TUNAR: variants seen among roughly 807,000 people sequenced by gnomAD.
TUNAR encodes the protein transmembrane neural differentiation associated intracellular calcium regulator, also known as protein TUNAR.
chr14:95,898,740 T>C (rs1207968112), intron 2 of TUNAR, among the ~76,000 whole-genome samples: 1 of 152,236 alleles, frequency 6.6e-6, no homozygotes, highest in Non-Finnish European at 1.5e-5. Flanking sequence ...GCTACTAGTA[T>C]ACTGAGTGCT....
rs751261623 is a variant in TUNAR, at chr14:95,913,097, C to CT, written c.13-9673dup. Among the ~76,000 whole-genome samples the CT allele has an allele frequency of 3.9e-3, 509 of 130,552 alleles. 3 individuals carry two copies. Among genetic ancestry groups the CT allele is most frequent in the Admixed American group, 5.1e-3 (69 of 13,512 alleles). The allele number at this position is 130,552 out of a possible 152,430, so 85.6% of individuals were successfully genotyped here. A position where few individuals can be genotyped will look rare whatever the true frequency, so the allele number is the denominator to read the frequency against. ...TGAGCCACCGCGCCTAGCCGGGCAT[C>CT]TTTTTTTTTTTACCTCATGGTCTTT... On this transcript the variant is annotated intron_variant, in intron 2 of 2. Coordinates refer to ENST00000678517, the Ensembl canonical transcript of TUNAR.
chr14:95,902,575 T>TC (rs1418690408), intron 2 of TUNAR, among the ~76,000 whole-genome samples: 8 of 152,142 alleles, frequency 5.3e-5, no homozygotes, highest in Admixed American at 5.2e-4. Context: ...TGCTAGGAAA[T>TC]CGCACTTACG....
chr14:95,881,117 C>A (rs193302145), intron 2 of TUNAR, among the ~76,000 whole-genome samples: 375 of 152,314 alleles, frequency 2.5e-3, no homozygotes, highest in Middle Eastern at 0.01. Context: ...TTCTAGATAA[C>A]CATGGCACTA....
At chr14:95,905,544 C>T (rs903870171) in intron 2 of TUNAR, among the ~76,000 whole-genome samples, 12 of 152,214 alleles carry the variant, frequency 7.9e-5, no homozygotes, top group Non-Finnish European at 1.0e-4. Flanking sequence ...CTTGGTGCCC[C>T]CTATCGGGAT....
intron 2 of TUNAR, among the ~76,000 whole-genome samples, chr14:95,888,431 C>G (rs1185528608): frequency 6.6e-6 from 1 of 152,162 alleles, no homozygotes; most frequent in Non-Finnish European, 1.5e-5. Flanking sequence ...ATTTATTTTG[C>G]TCAGCTAGGT....
rs550957599 is a variant in TUNAR at position 95,902,192 on chromosome 14, A to AT, written c.13-20581dup. Reference sequence around the variant, plus strand: ...CAGTGTAGCACCTTATAGCAAAGTCATTTTTTTTCAAGTTTTTTTTTAACC... The same window carrying AT: ...CAGTGTAGCACCTTATAGCAAAGTCATTTTTTTTTCAAGTTTTTTTTTAACC... On this transcript the variant is annotated intron_variant, in intron 2 of 2. Transcript: ENST00000678517. 9.9e-4 allele frequency among the ~76,000 whole-genome samples: 151 copies of AT among 151,824 alleles called. 3 individuals carry two copies. Among genetic ancestry groups the AT allele is most frequent in the Admixed American group, 2.5e-3 (38 of 15,238 alleles).
At chr14:95,903,850 C>T (rs1381538206) in intron 2 of TUNAR, among the ~76,000 whole-genome samples, 1 of 152,236 alleles carries the variant, frequency 6.6e-6, no homozygotes, top group Admixed American at 6.5e-5. Context: ...TAGGGCTTCT[C>T]TGCCCATTTC....
chr14:95,922,643 G>A (rs2139674902), intron 2 of TUNAR, 138 bp from the exon 2 acceptor site: 1 of 393,194 alleles, frequency 2.5e-6, no homozygotes, highest in Middle Eastern at 6.3e-4. Flanking sequence ...GTGTCCCAAG[G>A]TAGGATCCTT....
intron 2 of TUNAR, among the ~76,000 whole-genome samples, chr14:95,902,792 C>A (rs899109660): frequency 2.0e-5 from 3 of 152,170 alleles, no homozygotes; most frequent in Admixed American, 2.0e-4. Flanking sequence ...CTCCACCTTC[C>A]CAAGAGGAAG....
exon 1 of TUNAR, chr14:95,876,600 T>A (rs920269303): frequency 6.6e-6 from 1 of 152,538 alleles, no homozygotes; most frequent in African/African-American, 2.4e-5. Context: ...CGGTCGCCGC[T>A]GGTAAGCTGC....
chr14:95,892,671 A>G lies in TUNAR; in HGVS notation c.12+15494A>G, dbSNP rs979649476. On this transcript the variant is annotated intron_variant, in intron 2 of 2. Coordinates refer to ENST00000678517, the Ensembl canonical transcript of TUNAR. Reference sequence around the variant, plus strand: ...TTTCCCCTCCAGCAGTTTCAGGCTCATGGGAGCTGCCATGTTTCTGCAGCT... The same window carrying G: ...TTTCCCCTCCAGCAGTTTCAGGCTCGTGGGAGCTGCCATGTTTCTGCAGCT... Among the ~76,000 whole-genome samples, 8 of 152,348 alleles carry G rather than the reference A, an allele frequency of 5.3e-5. No homozygotes were observed. The East Asian group carries it at 1.5e-3, about 29-fold the overall frequency.
intron 2 of TUNAR, among the ~76,000 whole-genome samples, chr14:95,916,477 G>T (rs1889608671): frequency 6.6e-6 from 1 of 152,192 alleles, no homozygotes; most frequent in Non-Finnish European, 1.5e-5. Context: ...CCTCGACGCT[G>T]TGTGTTTTTC....
chr14:95,915,306 TG>T (rs1436499959), intron 2 of TUNAR, among the ~76,000 whole-genome samples: 1 of 151,984 alleles, frequency 6.6e-6, no homozygotes, highest in Non-Finnish European at 1.5e-5. Context: ...TAGAAGGAAA[TG>T]GTGAGCTGAG....
At chr14:95,914,457 C>G (rs1889569786) in intron 2 of TUNAR, among the ~76,000 whole-genome samples, 1 of 152,160 alleles carries the variant, frequency 6.6e-6, no homozygotes, top group African/African-American at 2.4e-5. Context: ...ATGGATGTGC[C>G]ACATCCAGGA....
At chr14:95,910,158 C>T (rs1889491044) in intron 2 of TUNAR, among the ~76,000 whole-genome samples, 1 of 152,206 alleles carries the variant, frequency 6.6e-6, no homozygotes, top group Non-Finnish European at 1.5e-5. Flanking sequence ...TTATTTAAGT[C>T]TCAATTCCTT....
rs146899256 is a variant in TUNAR, at chr14:95,915,412, G to C, written c.13-7369G>C. 2.8e-4 allele frequency among the ~76,000 whole-genome samples: 42 copies of C among 152,294 alleles called. No homozygotes were observed. The East Asian group carries it at 7.9e-3, about 29-fold the overall frequency. On this transcript the variant is annotated intron_variant, in intron 2 of 2. Transcript: ENST00000678517. ...AGCACCGTGGCTAGGATGAGTCAGTGTTTACAGTTGACCCACCTGCTATCA... is the reference window on the plus strand; with the variant it reads ...AGCACCGTGGCTAGGATGAGTCAGTCTTTACAGTTGACCCACCTGCTATCA...
chr14:95,909,853 G>A (rs181235120), intron 2 of TUNAR, among the ~76,000 whole-genome samples: 4 of 152,308 alleles, frequency 2.6e-5, no homozygotes, highest in East Asian at 1.9e-4. Flanking sequence ...CCAGACATCC[G>A]AAGACGGGGT....
Position 95,879,049 on chromosome 14 carries a change from C to T in TUNAR, c.12+1872C>T, listed in dbSNP as rs539139365. Among the ~76,000 whole-genome samples, 17 of 152,272 alleles carry T rather than the reference C, an allele frequency of 1.1e-4. No individual in the cohort carries two copies. The East Asian group carries it at 2.9e-3, about 26-fold the overall frequency. On this transcript the variant is annotated intron_variant, in intron 2 of 2. Coordinates refer to ENST00000678517, the Ensembl canonical transcript of TUNAR. The stretch of plus-strand genomic sequence containing the variant: ...TGAGTATATTAGCGATGCGTGGAGC[C>T]GGCCTTAGCTTGGCTGCAGAGGGGC...
exon 2 of TUNAR, chr14:95,876,867 C>A (rs545575316): frequency 3.3e-5 from 5 of 152,328 alleles, no homozygotes; most frequent in Non-Finnish European, 7.3e-5. Context: ...GAGGTCCTCC[C>A]GCCGAGCCCC....
Sources: allele counts gnomAD v4.1 joint callset (sites outside exome capture counted in the v4.1 genomes callset), GRCh38; gene constraint gnomAD v4.1.1; transcripts MANE v1.5; gene names NCBI Gene and HGNC (gene_info 2026-07-23, HGNC 2026-07-21).